NIPAL2: variants seen among roughly 807,000 people sequenced by gnomAD.
NIPAL2 encodes NIPA like domain containing 2, also known as NIPA-like protein 2.
Under a neutral mutation model 48.9 loss-of-function variants are expected in NIPAL2, and 43 were observed. That is an observed-to-expected ratio of 0.88 (90% confidence interval 0.69 to 1.13). The LOEUF (loss-of-function observed/expected upper bound fraction) is 1.13. Among genes scored for constraint, NIPAL2 ranks in the 50% most tolerant of loss-of-function variants. The pLI, the probability that NIPAL2 is intolerant of heterozygous loss-of-function variation, is 0.00. For synonymous variants in NIPAL2, 167 were observed against 174.6 expected (o/e 0.96, Z 0.34); for missense variants, 446 against 461.4 (o/e 0.97, Z 0.31).
intron 3 of NIPAL2, among the ~76,000 whole-genome samples, chr8:98,237,147 G>A (rs963989187): frequency 3.3e-5 from 5 of 151,860 alleles, no homozygotes; most frequent in South Asian, 2.1e-4. Flanking sequence ...TGCAACATTG[G>A]ACTCCTAGGC....
chr8:98,201,402 A>T (rs531480941), intron 8 of NIPAL2, among the ~76,000 whole-genome samples: 1 of 152,018 alleles, frequency 6.6e-6, no homozygotes, highest in Non-Finnish European at 1.5e-5. Flanking sequence ...TTATTTTTTT[A>T]GAGATGGGGT....
At chr8:98,280,129 A>G (rs548461123) in intron 1 of NIPAL2, among the ~76,000 whole-genome samples, 4 of 152,352 alleles carry the variant, frequency 2.6e-5, no homozygotes, top group Non-Finnish European at 5.9e-5. Context: ...ATTTGGCCGT[A>G]TGGAGACAGG....
chr8:98,196,981 T>G (rs1810579547), intron 8 of NIPAL2, among the ~76,000 whole-genome samples: 2 of 152,242 alleles, frequency 1.3e-5, no homozygotes, highest in Non-Finnish European at 2.9e-5. Flanking sequence ...TATTACATAC[T>G]TCCTTATAAT....
chr8:98,253,833 A>C (rs1340804871), intron 2 of NIPAL2, among the ~76,000 whole-genome samples, 186 bp downstream of exon 2: 1 of 152,190 alleles, frequency 6.6e-6, no homozygotes, highest in African/African-American at 2.4e-5. Flanking sequence ...GAAGAAGAAG[A>C]GGAAAAATGA....
intron 1 of NIPAL2, among the ~76,000 whole-genome samples, chr8:98,288,988 G>A (rs191841274): frequency 6.6e-6 from 1 of 152,258 alleles, no homozygotes; most frequent in East Asian, 1.9e-4. Flanking sequence ...CCAAGTGTGT[G>A]CTCCCAAATA....
At chr8:98,202,635 G>A (rs1460792746) in intron 8 of NIPAL2, among the ~76,000 whole-genome samples, 3 of 152,144 alleles carry the variant, frequency 2.0e-5, no homozygotes, top group Non-Finnish European at 2.9e-5. Flanking sequence ...AAAGCTTCCT[G>A]AGGTCCTGAC....
Position 98,263,588 on chromosome 8 carries a change from G to A in NIPAL2, c.136-9501C>T, listed in dbSNP as rs1205498177. Among the ~76,000 whole-genome samples, 234 of 148,862 alleles carry A rather than the reference G, an allele frequency of 1.6e-3. 1 individual carries two copies. Among genetic ancestry groups the A allele is most frequent in the African/African-American group, 5.6e-3 (224 of 39,726 alleles). ...CCCAAGACTAAACCAGGAAGAAGTT[G>A]AATCTCTGAATAGACCAATAACAGG... On this transcript the variant is annotated intron_variant, in intron 1 of 10. Transcript: ENST00000430223.
chr8:98,239,809 G>A (rs2130798697), intron 3 of NIPAL2, among the ~76,000 whole-genome samples: 1 of 152,228 alleles, frequency 6.6e-6, no homozygotes, highest in African/African-American at 2.4e-5. Flanking sequence ...TTGCAAATAT[G>A]CTAAAATGAG....
At chr8:98,229,605 T>TG (rs1442301707) in intron 4 of NIPAL2, among the ~76,000 whole-genome samples, 1 of 152,182 alleles carries the variant, frequency 6.6e-6, no homozygotes, top group African/African-American at 2.4e-5. Context: ...CTCGAACTCC[T>TG]GGTCTCAAGT....
intron 4 of NIPAL2, among the ~76,000 whole-genome samples, chr8:98,224,956 C>A (rs1007971520): frequency 3.9e-5 from 6 of 151,970 alleles, no homozygotes; most frequent in African/African-American, 1.2e-4. Context: ...AGGGTTTCAC[C>A]ATGGTGGCCA....
rs1185057823 is a variant in NIPAL2, at chr8:98,192,252, G to A, written c.*726C>T. 2 of 152,094 alleles carry A rather than the reference G, an allele frequency of 1.3e-5. No individual in the cohort carries two copies. Among genetic ancestry groups the A allele is most frequent in the Non-Finnish European group, 2.9e-5 (2 of 68,022 alleles). 9.4% of individuals were successfully genotyped at this position (152,094 alleles called of 1,614,324 possible). ...ATTTATGTGTCAGCCTTGTGCAGGG[G>A]CTGTGCTAATCTCTGCATTGTTCCT... On this transcript the variant is annotated 3_prime_UTR_variant, in exon 11 of 11. Coordinates refer to ENST00000430223, the MANE Select transcript of NIPAL2 (RefSeq NM_001321635.2).
intron 8 of NIPAL2, among the ~76,000 whole-genome samples, chr8:98,200,657 A>T (rs1196994113): frequency 1.3e-5 from 2 of 152,182 alleles, no homozygotes; most frequent in African/African-American, 4.8e-5. Flanking sequence ...AAATTACTAG[A>T]TCATATGGTA....
chr8:98,275,230 G>C (rs1473147279), intron 1 of NIPAL2, among the ~76,000 whole-genome samples: 1 of 151,840 alleles, frequency 6.6e-6, no homozygotes, highest in Non-Finnish European at 1.5e-5. Context: ...ATCACCATAA[G>C]ACTCCCTTGT....
intron 4 of NIPAL2, among the ~76,000 whole-genome samples, chr8:98,226,599 CCT>C (rs1214610139): frequency 1.3e-5 from 2 of 151,916 alleles, no homozygotes; most frequent in African/African-American, 4.8e-5. Flanking sequence ...TCTCTCTCTC[CCT>C]CTCTTTCTCT....
intron 2 of NIPAL2, 78 bp from the exon 3 acceptor site, chr8:98,252,712 T>A: frequency 1.7e-6 from 2 of 1,172,190 alleles, no homozygotes; most frequent in East Asian, 2.7e-5. Flanking sequence ...TTTGTATTCC[T>A]TTAATTCTTT....
At chr8:98,264,883 C>T (rs1398792091) in intron 1 of NIPAL2, among the ~76,000 whole-genome samples, 3 of 151,882 alleles carry the variant, frequency 2.0e-5, no homozygotes, top group Non-Finnish European at 4.4e-5. Flanking sequence ...TCAAACTATA[C>T]TACCAGGCTA....
intron 8 of NIPAL2, among the ~76,000 whole-genome samples, chr8:98,199,388 A>G (rs1380943709): frequency 6.6e-6 from 1 of 152,166 alleles, no homozygotes; most frequent in East Asian, 1.9e-4. Flanking sequence ...ACTTAAGGGA[A>G]GGATTGTGGG....
intron 1 of NIPAL2, among the ~76,000 whole-genome samples, chr8:98,292,312 T>C (rs1816528999): frequency 6.6e-6 from 1 of 152,266 alleles, no homozygotes. Flanking sequence ...AAAATGCTTC[T>C]CGAGTAAACT....
intron 4 of NIPAL2, among the ~76,000 whole-genome samples, chr8:98,225,430 C>T (rs1020495791): frequency 3.9e-5 from 6 of 152,092 alleles, no homozygotes; most frequent in Non-Finnish European, 7.4e-5. Flanking sequence ...ATTTTTATTT[C>T]GGTAAAGCCA....
Sources: allele counts gnomAD v4.1 joint callset (sites outside exome capture counted in the v4.1 genomes callset), GRCh38; gene constraint gnomAD v4.1.1; transcripts MANE v1.5; gene names NCBI Gene and HGNC (gene_info 2026-07-23, HGNC 2026-07-21).